The following DAAM2 variants were observed in gnomAD, a reference collection of about 807,000 sequenced individuals.
The protein encoded by DAAM2 is disheveled-associated activator of morphogenesis 2.
DAAM2 carries 39 observed loss-of-function variants against 120.7 expected under a neutral mutation model. That is an observed-to-expected ratio of 0.32 (90% CI 0.25 to 0.42). DAAM2 has a LOEUF of 0.42. DAAM2 is among the 10% of genes least tolerant of loss of function. The pLI, the probability that DAAM2 is intolerant of heterozygous loss-of-function variation, is 1.00. For synonymous variants in DAAM2, 488 were observed against 524.9 expected, an observed-to-expected ratio of 0.93 and a Z score of 0.96; for missense variants, 1,283 against 1,401.7, an observed-to-expected ratio of 0.92 and a Z score of 1.35.
In DAAM2 at chr6:39,903,486, A is replaced by C. The variant is rs1766603431; in HGVS notation, c.*1449A>C. 2 of 151,974 alleles carry C rather than the reference A, an allele frequency of 1.3e-5. No individual in the cohort carries two copies. Among genetic ancestry groups the C allele is most frequent in the Admixed American group, 1.3e-4 (2 of 15,258 alleles). The allele number at this position is 151,974 out of a possible 1,614,324, so 9.4% of individuals were successfully genotyped here. On this transcript the variant is annotated 3_prime_UTR_variant, in exon 25 of 25. Transcript: ENST00000274867. ...GATGGGATGGCTGTATCTAGACAAA[A>C]TTTTTCTAAAACTCCATCAAGGCTC...
chr6:39,847,456 TCTC>T, intron 1 of DAAM2, among the ~76,000 whole-genome samples: 1 of 152,268 alleles, frequency 6.6e-6, no homozygotes, highest in Non-Finnish European at 1.5e-5. Flanking sequence ...GGCCTCGGGT[TCTC>T]CTGTGTAGGG....
At position 39,901,175 on chromosome 6, in the gene DAAM2, G is replaced by A; in HGVS notation, c.2812-127G>A. On this transcript the variant is annotated intron_variant, in intron 23 of 24. Coordinates refer to ENST00000274867, the MANE Select transcript of DAAM2 (RefSeq NM_001201427.2). This position sits in a 1 kb window ranked among gnomAD's most constrained non-coding sequence, Gnocchi z 4.5. ...GTGTCTTCTCACCTCTTCCAGCCCTGCCCCCTGTGCCAACAGTCCCCAGCC... is the reference window on the plus strand; with the variant it reads ...GTGTCTTCTCACCTCTTCCAGCCCTACCCCCTGTGCCAACAGTCCCCAGCC... 1 of 788,304 alleles carries A rather than the reference G, an allele frequency of 1.3e-6. No homozygotes were observed. The highest frequency in any genetic ancestry group is 2.1e-6 in the Non-Finnish European group (1 of 477,908). The allele number at this position is 788,304 out of a possible 1,614,324, so 48.8% of individuals were successfully genotyped here.
intron 1 of DAAM2, among the ~76,000 whole-genome samples, chr6:39,834,260 G>A (rs899936295): frequency 4.6e-5 from 7 of 152,066 alleles, no homozygotes; most frequent in Non-Finnish European, 8.8e-5. Context: ...ATTTAGAGAG[G>A]GGCTTGTTGG....
chr6:39,898,511 A>G (rs1468776675), intron 21 of DAAM2, among the ~76,000 whole-genome samples: 1 of 152,218 alleles, frequency 6.6e-6, no homozygotes, highest in East Asian at 1.9e-4. Flanking sequence ...GCTCACTGGT[A>G]TCGAATGCTA....
At chr6:39,815,457 T>C (rs187892125) in intron 1 of DAAM2, among the ~76,000 whole-genome samples, 1 of 152,292 alleles carries the variant, frequency 6.6e-6, no homozygotes, top group East Asian at 1.9e-4. Context: ...TTATCCCTAA[T>C]ATGAAATAAC....
At chr6:39,897,126 G>A (rs756160927) in intron 20 of DAAM2, 49 bp from the exon 21 acceptor site, 32 of 1,544,406 alleles carry the variant, frequency 2.1e-5, no homozygotes, top group East Asian at 9.0e-5. Context: ...TCTGACCCTC[G>A]TGCCCAGTTT....
At position 39,878,686 on chromosome 6, in the gene DAAM2, A is replaced by G. The variant is rs554797972; in HGVS notation, c.1545+98A>G. On this transcript the variant is annotated intron_variant, in intron 13 of 24. Transcript: ENST00000274867. This position sits in a 1 kb window ranked among gnomAD's most constrained non-coding sequence, Gnocchi z 5.0. The stretch of plus-strand genomic sequence containing the variant: ...TGTCGGAGAGGCCAAGGACCCCAGC[A>G]TGAGGGAGAAGGGAGATGGAGACCT... 1 of 1,262,298 alleles carries G rather than the reference A, an allele frequency of 7.9e-7. No individual in the cohort carries two copies. Among genetic ancestry groups the G allele is most frequent in the African/African-American group, 1.5e-5 (1 of 66,660 alleles). 78.2% of individuals were successfully genotyped at this position (1,262,298 alleles called of 1,614,324 possible).
intron 1 of DAAM2, among the ~76,000 whole-genome samples, chr6:39,827,661 C>T (rs941395598): frequency 1.3e-5 from 2 of 152,160 alleles, no homozygotes; most frequent in Non-Finnish European, 2.9e-5. Flanking sequence ...TTGGGGTCCT[C>T]ATGCCTGGAT....
Position 39,872,312 on chromosome 6 carries a change from A to C in DAAM2, c.1044+740A>C, listed in dbSNP as rs1022117345. On this transcript the variant is annotated intron_variant, in intron 9 of 24. Coordinates refer to ENST00000274867, the MANE Select transcript of DAAM2 (RefSeq NM_001201427.2). The stretch of plus-strand genomic sequence containing the variant: ...GTCAAGTTGACACCTAAAACGAACC[A>C]TCACATCTCACTTCCAGAGCCTTGG... 5.3e-5 allele frequency among the ~76,000 whole-genome samples: 8 copies of C among 152,294 alleles called. No individual in the cohort carries two copies. In the South Asian group the frequency reaches 1.7e-3, roughly 32 times the overall value.
At chr6:39,812,442 C>A (rs528292235) in intron 1 of DAAM2, among the ~76,000 whole-genome samples, 13 of 152,264 alleles carry the variant, frequency 8.5e-5, no homozygotes. Flanking sequence ...AGAGGGGATT[C>A]CAAGTAAGGT....
At position 39,825,720 on chromosome 6, in the gene DAAM2, C is replaced by CTGTACTGAG. The variant is rs533804615; in HGVS notation, c.-56-30511_-56-30503dup. Among the ~76,000 whole-genome samples, 11 of 152,316 alleles carry CTGTACTGAG rather than the reference C, an allele frequency of 7.2e-5. 1 individual carries two copies. In the South Asian group the frequency reaches 2.3e-3, roughly 32 times the overall value. ...GGACTGGCTTTCTGCACCCCGATAT[C>CTGTACTGAG]TGTACTGAGTGTACTGAGTGTACTC... On this transcript the variant is annotated intron_variant, in intron 1 of 24. Coordinates refer to ENST00000274867, the MANE Select transcript of DAAM2 (RefSeq NM_001201427.2).
chr6:39,868,274 G>T (rs1209623000), intron 6 of DAAM2: 3 of 236,366 alleles, frequency 1.3e-5, no homozygotes, highest in Non-Finnish European at 2.5e-5. Context: ...GACCATCCCT[G>T]GGAGCTTCAG....
chr6:39,855,189 C>T (rs1247686598), intron 1 of DAAM2, among the ~76,000 whole-genome samples: 1 of 152,164 alleles, frequency 6.6e-6, no homozygotes, highest in African/African-American at 2.4e-5. Flanking sequence ...CTCTACTGAA[C>T]CCCCCTAGGT....
chr6:39,901,255 G>A lies in DAAM2; in HGVS notation c.2812-47G>A. 5 of 1,568,300 alleles carry A rather than the reference G, an allele frequency of 3.2e-6. No individual in the cohort carries two copies. Among genetic ancestry groups the A allele is most frequent in the South Asian group, 1.2e-5 (1 of 85,178 alleles). ...CAGCTAACCTCAGGGGCTGAGCCCA[G>A]CATGCTCCAGGGCACTCTCCACCAA... On this transcript the variant is annotated intron_variant, in intron 23 of 24. Coordinates refer to ENST00000274867, the MANE Select transcript of DAAM2 (RefSeq NM_001201427.2). This position sits in a 1 kb window ranked among gnomAD's most constrained non-coding sequence, Gnocchi z 4.5.
chr6:39,850,189 A>T (rs1763753875), intron 1 of DAAM2, among the ~76,000 whole-genome samples: 1 of 151,838 alleles, frequency 6.6e-6, no homozygotes, highest in African/African-American at 2.4e-5. Context: ...ACTGGTCAGG[A>T]CTCTGGGCTC....
chr6:39,833,459 C>T (rs984008633), intron 1 of DAAM2, among the ~76,000 whole-genome samples: 8 of 152,082 alleles, frequency 5.3e-5, no homozygotes, highest in Admixed American at 4.6e-4. Context: ...TGTGCACCAC[C>T]ACACCTGGCT....
intron 16 of DAAM2, chr6:39,887,861 GC>G: frequency 2.3e-6 from 1 of 437,024 alleles, no homozygotes; most frequent in South Asian, 2.2e-5. Context: ...CTTGGCTCAG[GC>G]CATGGAGCAG....
intron 1 of DAAM2, among the ~76,000 whole-genome samples, chr6:39,834,550 G>A (rs891011971): frequency 3.9e-5 from 6 of 152,182 alleles, no homozygotes; most frequent in Admixed American, 6.5e-5. Context: ...GATCATGTGC[G>A]ACATTTGAAA....
At chr6:39,834,876 A>T (rs936658446) in intron 1 of DAAM2, among the ~76,000 whole-genome samples, 1 of 152,166 alleles carries the variant, frequency 6.6e-6, no homozygotes, top group Non-Finnish European at 1.5e-5. Context: ...GAGTCAAGCC[A>T]ACGCACGGGC....
Sources: gnomAD v4.1 joint callset for allele counts (sites outside exome capture counted in the v4.1 genomes callset) on GRCh38, gnomAD v4.1.1 for gene constraint, Gnocchi (gnomAD v3.1) non-coding constraint, MANE v1.5 for transcripts, NCBI Gene and HGNC (gene_info 2026-07-23, HGNC 2026-07-21) for gene names.